FBN2: variants seen among roughly 807,000 people sequenced by gnomAD.
FBN2 encodes the protein fibrillin 2, also known as fibrillin-2.
A neutral mutation model predicts 355.6 loss-of-function variants in FBN2; 105 were observed. The observed-to-expected ratio is 0.30, with a 90% confidence interval of 0.25 to 0.35. The LOEUF (loss-of-function observed/expected upper bound fraction) is 0.35, where lower values mean the gene tolerates loss of function less well. Ranked by LOEUF, FBN2 falls within the 10% of genes least tolerant of loss-of-function variation. FBN2 has a pLI of 1.00. For missense variants in FBN2, 3,280 were observed against 3,758.7 expected, an observed-to-expected ratio of 0.87 and a Z score of 3.33; for synonymous variants, 1,350 against 1,301.2, an observed-to-expected ratio of 1.04 and a Z score of -0.81.
rs199639432 is a variant in FBN2 at position 128,278,043 on chromosome 5, A to G, written c.7346-38T>C. The G allele has an allele frequency of 4.1e-4, 653 of 1,611,052 alleles. 5 individuals are homozygous for G. Among genetic ancestry groups the G allele is most frequent in the Non-Finnish European group, 9.4e-5 (111 of 1,177,494 alleles). On this transcript the variant is annotated intron_variant, in intron 57 of 64. Coordinates refer to ENST00000262464, the MANE Select transcript of FBN2 (RefSeq NM_001999.4). The stretch of plus-strand genomic sequence containing the variant: ...ACAACAAAAACAATCAGGAGTTAAC[A>G]TATATGCAAGGGTAAAACTGGTTAG...
chr5:128,297,503 T>G (rs918694315), intron 48 of FBN2, among the ~76,000 whole-genome samples: 96 of 152,308 alleles, frequency 6.3e-4, no homozygotes, highest in African/African-American at 2.1e-3. Context: ...AGGACTTGCT[T>G]TATGAATCTG....
chr5:128,326,124 C>T (rs1208094249), intron 34 of FBN2, among the ~76,000 whole-genome samples: 1 of 152,162 alleles, frequency 6.6e-6, no homozygotes, highest in East Asian at 1.9e-4. Context: ...TGTTTTTCAG[C>T]TTGTATAGAC....
chr5:128,305,734 A>C lies in FBN2; in HGVS notation c.5548+89T>G. On this transcript the variant is annotated intron_variant, in intron 43 of 64. Coordinates refer to ENST00000262464, the MANE Select transcript of FBN2 (RefSeq NM_001999.4). ...TGATGATCAACTCTTGAAAAATTGT[A>C]GAAGAAATAGTAAAAATCAGAAACC... 1.9e-6 allele frequency: 3 copies of C among 1,598,052 alleles called. No homozygotes were observed. The Admixed American group carries it at 5.0e-5, about 27-fold the overall frequency.
At chr5:128,503,835 A>G (rs1755879589) in intron 5 of FBN2, among the ~76,000 whole-genome samples, 1 of 152,248 alleles carries the variant, frequency 6.6e-6, no homozygotes, top group African/African-American at 2.4e-5. Context: ...TCCCCAAGAC[A>G]ATGGGAAAAA....
chr5:128,503,534 G>A (rs1283453702), intron 5 of FBN2, among the ~76,000 whole-genome samples: 1 of 152,172 alleles, frequency 6.6e-6, no homozygotes, highest in East Asian at 1.9e-4. Context: ...CTCAGATGGA[G>A]ATGAGGAACT....
At chr5:128,377,979 T>C in intron 12 of FBN2, 102 bp from the exon 13 acceptor site, 1 of 1,285,578 alleles carries the variant, frequency 7.8e-7, no homozygotes, top group Admixed American at 1.9e-5. Flanking sequence ...ATCATGTTAC[T>C]TCTTTAGCAA....
rs554718404 is a variant in FBN2 at position 128,305,376 on chromosome 5, T to C, written c.5674+135A>G. 5.0e-6 allele frequency: 5 copies of C among 998,988 alleles called. No homozygotes were observed. In the East Asian group the frequency reaches 1.0e-4, roughly 20 times the overall value. The allele number at this position is 998,988 out of a possible 1,614,324, so 61.9% of individuals were successfully genotyped here. ...TCTTAACAAAATCATCTAAAAGATA[T>C]GGTGAAATAGGTTCACTATAAATGA... On this transcript the variant is annotated intron_variant, in intron 44 of 64. Transcript: ENST00000262464.
intron 11 of FBN2, among the ~76,000 whole-genome samples, chr5:128,389,741 G>C (rs1752462043): frequency 6.6e-6 from 1 of 152,168 alleles, no homozygotes. Flanking sequence ...TAGGATTCCA[G>C]AGACCCCTGC....
chr5:128,379,539 T>C (rs1243701892), intron 11 of FBN2, among the ~76,000 whole-genome samples: 4 of 152,112 alleles, frequency 2.6e-5, no homozygotes, highest in African/African-American at 7.2e-5. Context: ...CAGTGATTTG[T>C]TGCATAAAAT....
intron 31 of FBN2, among the ~76,000 whole-genome samples, chr5:128,333,827 T>C (rs1259749649): frequency 7.2e-6 from 1 of 139,814 alleles, no homozygotes; most frequent in Non-Finnish European, 1.6e-5. Context: ...TTACATATTA[T>C]AGATGCTGAA....
chr5:128,414,582 T>C (rs1397913697), intron 7 of FBN2, among the ~76,000 whole-genome samples: 1 of 152,196 alleles, frequency 6.6e-6, no homozygotes, highest in Non-Finnish European at 1.5e-5. Context: ...TAAATAAAGT[T>C]GCCATGAACA....
intron 21 of FBN2, 72 bp from the exon 22 acceptor site, chr5:128,350,077 T>A (rs981242012): frequency 7.9e-7 from 1 of 1,266,522 alleles, no homozygotes; most frequent in Non-Finnish European, 1.2e-6. Context: ...CAAGAAGAAG[T>A]ATAATGAAAT....
intron 6 of FBN2, among the ~76,000 whole-genome samples, chr5:128,446,851 G>A (rs1754078975): frequency 6.6e-6 from 1 of 152,144 alleles, no homozygotes; most frequent in African/African-American, 2.4e-5. Flanking sequence ...GATCCATCCT[G>A]TTGTGGGAAG....
chr5:128,263,996 A>C (rs1316847934), intron 62 of FBN2, among the ~76,000 whole-genome samples: 1 of 152,126 alleles, frequency 6.6e-6, no homozygotes, highest in African/African-American at 2.4e-5. Context: ...AAATCCTTAG[A>C]GATAGAGAGA....
intron 5 of FBN2, among the ~76,000 whole-genome samples, chr5:128,476,452 T>A (rs1755007312): frequency 6.6e-6 from 1 of 150,426 alleles, no homozygotes; most frequent in Admixed American, 6.6e-5. Flanking sequence ...CCAAAGAAAA[T>A]ACAAAAGAAA....
At chr5:128,371,166 A>G (rs1751923703) in intron 15 of FBN2, 1 of 152,128 alleles carries the variant, frequency 6.6e-6, no homozygotes, top group South Asian at 2.1e-4. Context: ...TCTGTAACTG[A>G]TACTGTGAAC....
chr5:128,392,241 A>T, intron 10 of FBN2, 86 bp from the exon 11 acceptor site: 1 of 1,147,830 alleles, frequency 8.7e-7, no homozygotes, highest in African/African-American at 1.5e-5. Context: ...ATTTAATAGT[A>T]AATTAATTAG....
chr5:128,346,736 C>T (rs1165001427), intron 23 of FBN2, among the ~76,000 whole-genome samples: 5 of 151,978 alleles, frequency 3.3e-5, no homozygotes, highest in East Asian at 1.9e-4. Flanking sequence ...GTCAGGAGTT[C>T]GAGACCAGCC....
intron 11 of FBN2, among the ~76,000 whole-genome samples, chr5:128,379,690 G>C (rs1458855937): frequency 6.6e-6 from 1 of 152,054 alleles, no homozygotes; most frequent in Non-Finnish European, 1.5e-5. Flanking sequence ...GAACAGTCTG[G>C]ACTAGTTAAA....
Sources: allele counts gnomAD v4.1 joint callset (sites outside exome capture counted in the v4.1 genomes callset), GRCh38; gene constraint gnomAD v4.1.1; transcripts MANE v1.5; gene names NCBI Gene and HGNC (gene_info 2026-07-23, HGNC 2026-07-21).